The following ANO7 variants were observed in gnomAD, a reference collection of about 807,000 sequenced individuals.
ANO7 encodes the protein anoctamin 7.
Under a neutral mutation model 115.8 loss-of-function variants are expected in ANO7, and 114 were observed. The ratio of observed to expected loss-of-function variants is 0.98; its 90% CI spans 0.85 to 1.15. The LOEUF (loss-of-function observed/expected upper bound fraction) is 1.15. Among genes scored for constraint, ANO7 ranks in the 50% most tolerant of loss-of-function variants. The pLI is 0.00. For missense variants in ANO7, 1,302 were observed against 1,201.2 expected (o/e 1.08, Z -1.24); for synonymous variants, 550 against 498.2 (o/e 1.10, Z -1.38).
the ANO7 span, chr2:241,239,745 A>G: frequency 2.5e-6 from 4 of 1,614,098 alleles, no homozygotes; most frequent in African/African-American, 4.0e-5. This position sits in a 1 kb window ranked among gnomAD's most constrained non-coding sequence, Gnocchi z 4.6. Context: ...ATCTCCCGCA[A>G]GACCTGGCCT....
In ANO7 at chr2:241,217,624, C is replaced by T. The variant is rs748471357; in HGVS notation, c.1973-62C>T. Reference sequence around the variant, plus strand: ...GGACTGGCCGGTCCTCCGCGGGGGGCGCGTTCCGAGGGCTGAGGGCGGACG... The same window carrying T: ...GGACTGGCCGGTCCTCCGCGGGGGGTGCGTTCCGAGGGCTGAGGGCGGACG... On this transcript the variant is annotated intron_variant, in intron 19 of 24. Coordinates refer to ENST00000674324, the MANE Select transcript of ANO7 (RefSeq NM_001370694.2). 2.0e-6 allele frequency: 3 copies of T among 1,514,750 alleles called. No homozygotes were observed. In the Admixed American group the frequency reaches 5.9e-5, roughly 30 times the overall value. The allele number at this position is 1,514,750 out of a possible 1,614,324, so 93.8% of individuals were successfully genotyped here. A position where few individuals can be genotyped will look rare whatever the true frequency, so the allele number is the denominator to read the frequency against.
the ANO7 span, chr2:241,236,362 G>A: frequency 1.9e-6 from 1 of 529,342 alleles, no homozygotes; most frequent in South Asian, 2.3e-5. Context: ...CCGTGGGCCT[G>A]AGAGGCCGGA....
chr2:241,217,696 C>G lies in ANO7; in HGVS notation c.1983C>G (p.Phe661Leu). ...FDEYLEMVLQ[F>L]GFVTIFVAAC... The stretch of plus-strand genomic sequence containing the variant: ...ACCCCCTCCCCGCAGTGCTGCAGTT[C>G]GGCTTCGTCACCATCTTCGTGGCCG... The change falls in exon 20 of 25, where the codon TTC becomes TTG. Residue 661 changes from phenylalanine (F) to leucine (L), a missense_variant. By Grantham distance (22) the Phe-to-Leu change is conservative. Transcript: ENST00000674324. The G allele has an allele frequency of 1.3e-6, 2 of 1,587,252 alleles. No homozygotes were observed. Among genetic ancestry groups the G allele is most frequent in the Non-Finnish European group, 8.6e-7 (1 of 1,167,552 alleles).
intron 10 of ANO7, 31 bp from the exon 11 acceptor site, chr2:241,207,543 A>G (rs2068621033): frequency 6.3e-7 from 1 of 1,599,326 alleles, no homozygotes; most frequent in East Asian, 2.2e-5. Flanking sequence ...CTCCCCCATT[A>G]GCTCCCACCC....
chr2:241,238,712 T>C, the ANO7 span: 1 of 1,592,338 alleles, frequency 6.3e-7, no homozygotes, highest in Non-Finnish European at 8.6e-7. The surrounding 1 kb of genome is among the most constrained non-coding windows in gnomAD (Gnocchi z 4.9). Flanking sequence ...ATCTGCTGGA[T>C]TCTGGAACCT....
chr2:241,224,512 G>A lies in ANO7; in HGVS notation c.*359G>A, dbSNP rs2069111294. The A allele has an allele frequency of 1.0e-5, 3 of 294,106 alleles. No individual in the cohort carries two copies. In the Admixed American group the frequency reaches 1.4e-4, roughly 14 times the overall value. 18.2% of individuals were successfully genotyped at this position (294,106 alleles called of 1,614,324 possible). A position where few individuals can be genotyped will look rare whatever the true frequency, so the allele number is the denominator to read the frequency against. ...GGGCTTTGTGGTCCTCGCCGCCCCT[G>A]GCCACATCGCCCTCTCCTCTTACAC... On this transcript the variant is annotated 3_prime_UTR_variant, in exon 25 of 25. Coordinates refer to ENST00000674324, the MANE Select transcript of ANO7 (RefSeq NM_001370694.2).
In ANO7 at chr2:241,191,948, C is replaced by T. The variant is rs369631264; in HGVS notation, c.166+697C>T. On this transcript the variant is annotated intron_variant, in intron 3 of 24. Transcript: ENST00000674324. ...TTCCCTGGGTGAGCGCCCACGAGCA[C>T]GGGATGGGGGCCCCGGGGAGATATC... Among the ~76,000 whole-genome samples the T allele has an allele frequency of 8.5e-5, 13 of 152,308 alleles. No homozygotes were observed. In the East Asian group the frequency reaches 1.4e-3, roughly 16 times the overall value.
At chr2:241,230,747 C>T (rs1349923325), downstream of ANO7, 8 of 1,612,736 alleles carry the variant, frequency 5.0e-6, no homozygotes, top group Non-Finnish European at 6.8e-6. The surrounding 1 kb of genome is among the most constrained non-coding windows in gnomAD (Gnocchi z 5.0). Context: ...ACTGTGCTTC[C>T]AGCCGGCTCA....
At position 241,224,117 on chromosome 2, in the gene ANO7, C is replaced by T. The variant is rs773000494; in HGVS notation, c.2604C>T (p.Pro868=). Reference sequence around the variant, plus strand: ...CCCAGCTCAGCTCCCACTGGACACCCTTCACGGTTCCCAAGGCCAGCCAGC... The same window carrying T: ...CCCAGCTCAGCTCCCACTGGACACCTTTCACGGTTCCCAAGGCCAGCCAGC... ...EGSELSSHWT[P]FTVPKASQLQ... is the part of the protein sequence containing the mutation. The change falls in exon 25 of 25, where the codon CCC becomes CCT. Residue 868 remains proline (P), a synonymous_variant. Coordinates refer to ENST00000674324, the MANE Select transcript of ANO7 (RefSeq NM_001370694.2). 6.2e-7 allele frequency: 1 copy of T among 1,613,996 alleles called. No individual in the cohort carries two copies. The highest frequency in any genetic ancestry group is 1.7e-5 in the Admixed American group (1 of 60,006).
At chr2:241,219,508 C>T (rs1253728053) in intron 21 of ANO7, among the ~76,000 whole-genome samples, 1 of 152,000 alleles carries the variant, frequency 6.6e-6, no homozygotes, top group African/African-American at 2.4e-5. Context: ...TTATTTGGAA[C>T]CGATGGCATA....
intron 11 of ANO7, among the ~76,000 whole-genome samples, chr2:241,208,675 C>T (rs2068642292): frequency 6.6e-6 from 1 of 152,222 alleles, no homozygotes; most frequent in Admixed American, 6.5e-5. Context: ...ATACACTCAC[C>T]TCATCCCAGC....
intron 21 of ANO7, among the ~76,000 whole-genome samples, chr2:241,222,543 A>AT (rs897973982): frequency 6.7e-6 from 1 of 149,130 alleles, no homozygotes; most frequent in Non-Finnish European, 1.5e-5. Context: ...CATTTGAGGG[A>AT]TTTTTTTTCC....
the ANO7 span, chr2:241,239,560 A>C: frequency 6.5e-7 from 1 of 1,528,698 alleles, no homozygotes. This position sits in a 1 kb window ranked among gnomAD's most constrained non-coding sequence, Gnocchi z 4.6. Context: ...GTGAGTGGCC[A>C]CTGGGGGGTG....
In ANO7 at chr2:241,199,996, T is replaced by G. The variant is rs565757173; in HGVS notation, c.418-93T>G. ...CCTCTGCTGGAGCCCCTTCGCCCAT[T>G]GCCCAATTTGCAAACTTGCACAACC... On this transcript the variant is annotated intron_variant, in intron 5 of 24. Coordinates refer to ENST00000674324, the MANE Select transcript of ANO7 (RefSeq NM_001370694.2). 9 of 1,492,758 alleles carry G rather than the reference T, an allele frequency of 6.0e-6. No homozygotes were observed. The Admixed American group carries it at 1.7e-4, about 28-fold the overall frequency. 92.5% of individuals were successfully genotyped at this position (1,492,758 alleles called of 1,614,324 possible).
chr2:241,219,203 C>T (rs1415636939), intron 21 of ANO7, among the ~76,000 whole-genome samples: 2 of 152,198 alleles, frequency 1.3e-5, no homozygotes, highest in Admixed American at 6.5e-5. Context: ...TGAAGTTTTG[C>T]ATGTGTTTCA....
chr2:241,209,794 G>A (rs576025131), intron 13 of ANO7, among the ~76,000 whole-genome samples, 159 bp downstream of exon 13: 7 of 152,294 alleles, frequency 4.6e-5, no homozygotes, highest in South Asian at 2.1e-4. Flanking sequence ...GGGCTCGGCC[G>A]TGGGGTCCCG....
chr2:241,230,985 T>G, the ANO7 span: 3 of 1,566,390 alleles, frequency 1.9e-6, no homozygotes, highest in Non-Finnish European at 2.6e-6. This position sits in a 1 kb window ranked among gnomAD's most constrained non-coding sequence, Gnocchi z 5.0. Flanking sequence ...GATGCCTTAC[T>G]GGGATTCCCG....
intron 21 of ANO7, among the ~76,000 whole-genome samples, chr2:241,222,001 G>A (rs992814660): frequency 2.6e-5 from 4 of 152,080 alleles, no homozygotes; most frequent in East Asian, 1.9e-4. Context: ...GTGGGAGGCC[G>A]AGGCCGGTGG....
At position 241,224,677 on chromosome 2, in the gene ANO7, G is replaced by A. The variant is rs1399788122; in HGVS notation, c.*524G>A. The A allele has an allele frequency of 1.3e-5, 2 of 155,076 alleles. No individual in the cohort carries two copies. Among genetic ancestry groups the A allele is most frequent in the Admixed American group, 6.3e-5 (1 of 15,816 alleles). The allele number at this position is 155,076 out of a possible 1,614,324, so 9.6% of individuals were successfully genotyped here. On this transcript the variant is annotated 3_prime_UTR_variant, in exon 25 of 25. Transcript: ENST00000674324. ...CGGACCCTGCAGCTCTGTGTCCCAG[G>A]CCACAGCAAAGGTCTGTTGAACCCC...
Sources: gnomAD v4.1 joint callset for allele counts (sites outside exome capture counted in the v4.1 genomes callset) on GRCh38, gnomAD v4.1.1 for gene constraint, Gnocchi (gnomAD v3.1) non-coding constraint, MANE v1.5 for transcripts, NCBI Gene and HGNC (gene_info 2026-07-23, HGNC 2026-07-21) for gene names.